The following TCERG1 variants were observed in gnomAD, a reference collection of about 807,000 sequenced individuals.
The protein encoded by TCERG1 is TATA box binding protein (TBP)-associated factor, RNA polymerase II, S, 150kD.
TCERG1 carries 37 observed loss-of-function variants against 144.7 expected under a neutral mutation model. The observed-to-expected ratio is 0.26, with a 90% CI of 0.20 to 0.34. The LOEUF is 0.34. Among genes scored for constraint, TCERG1 ranks in the 10% least tolerant of loss-of-function variants. TCERG1 has a pLI of 1.00. For missense variants in TCERG1, 1,027 were observed against 1,380.7 expected (o/e 0.74, Z 4.06); for synonymous variants, 492 against 458.2 (o/e 1.07, Z -0.94).
At chr5:146,447,540 G>A (rs13181084) in intron 1 of TCERG1, 132 bp downstream of exon 1, 2 of 1,170,828 alleles carry the variant, frequency 1.7e-6, no homozygotes, top group East Asian at 5.6e-5. Context: ...GACCGCATGG[G>A]GTTTAAGAAG....
intron 19 of TCERG1, among the ~76,000 whole-genome samples, chr5:146,506,593 C>T (rs937400932): frequency 6.6e-6 from 1 of 152,164 alleles, no homozygotes; most frequent in African/African-American, 2.4e-5. Context: ...TGCAGTAGGT[C>T]TCAAAACTTA....
rs189741409 is a variant in TCERG1, at chr5:146,493,120, T to G, written c.2282+82T>G. On this transcript the variant is annotated intron_variant, in intron 16 of 22. Coordinates refer to ENST00000679501, the MANE Select transcript of TCERG1 (RefSeq NM_001382548.1). ...TTTTTAAAAATTAAAAAAATAGATA[T>G]TTTTTGACTATTTGGGCACTAAAAG... 3 of 1,066,240 alleles carry G rather than the reference T, an allele frequency of 2.8e-6. No individual in the cohort carries two copies. The African/African-American group carries it at 5.1e-5, about 18-fold the overall frequency. 66.0% of individuals were successfully genotyped at this position (1,066,240 alleles called of 1,614,324 possible). A position where few individuals can be genotyped will look rare whatever the true frequency, so the allele number is the denominator to read the frequency against.
chr5:146,460,424 TG>T (rs1481055567), intron 4 of TCERG1, among the ~76,000 whole-genome samples: 1 of 95,428 alleles, frequency 1.0e-5, no homozygotes, highest in Non-Finnish European at 2.6e-5. Context: ...ACTTAAATAA[TG>T]ATTTTTTTAT....
In TCERG1 at chr5:146,478,602, A is replaced by G. The variant is rs747097848; in HGVS notation, c.1711A>G (p.Ile571Val). 2 of 1,609,504 alleles carry G rather than the reference A, an allele frequency of 1.2e-6. No individual in the cohort carries two copies. Reference protein sequence around the residue: ...DLIGRADVDKIIQEPPHKKGM... With the variant: ...DLIGRADVDKVIQEPPHKKGM... Reference sequence around the variant, plus strand: ...GATTGGCAGGGCAGATGTTGACAAAATTATTCAGGAGCCCCCTCATAAAAA... The same window carrying G: ...GATTGGCAGGGCAGATGTTGACAAAGTTATTCAGGAGCCCCCTCATAAAAA... Residue 571 changes from isoleucine to valine, a missense_variant, in exon 10 of 23, where the codon ATT becomes GTT. Coordinates refer to ENST00000679501, the MANE Select transcript of TCERG1 (RefSeq NM_001382548.1).
At chr5:146,454,351 T>C (rs1368759518) in intron 1 of TCERG1, among the ~76,000 whole-genome samples, 1 of 152,218 alleles carries the variant, frequency 6.6e-6, no homozygotes, top group Non-Finnish European at 1.5e-5. Context: ...TCTGTCCTTC[T>C]TAGATGATAA....
chr5:146,463,964 C>A (rs1763557116), intron 5 of TCERG1, among the ~76,000 whole-genome samples, 171 bp downstream of exon 5: 1 of 152,092 alleles, frequency 6.6e-6, no homozygotes, highest in South Asian at 2.1e-4. Context: ...GGTAAATGTC[C>A]TTTTTTTGTT....
chr5:146,481,314 G>A (rs1411729819), intron 13 of TCERG1, 114 bp downstream of exon 13: 8 of 453,024 alleles, frequency 1.8e-5, no homozygotes, highest in Non-Finnish European at 2.3e-5. Flanking sequence ...TTCTATAAAG[G>A]TTATTTGTTT....
chr5:146,482,635 A>G lies in TCERG1; in HGVS notation c.1981A>G (p.Met661Val), dbSNP rs759944389. ...CATTGACTCAGAGAAAGAAGCTGCC[A>G]TGGAAGCTGAAATTAAAGCTGCCCG... is the stretch of plus-strand genomic sequence containing the variant. Reference protein sequence around the residue: ...KDIDSEKEAAMEAEIKAARER... With the variant: ...KDIDSEKEAAVEAEIKAARER... Residue 661 changes from methionine (M) to valine (V), a missense_variant, in exon 14 of 23, where the codon ATG becomes GTG. By Grantham distance (21) the Met-to-Val change is conservative. This residue lies in a region of TCERG1 where 482 missense variants were observed against 632.6 expected (regional missense o/e 0.76). Transcript: ENST00000679501. 2.5e-6 allele frequency: 4 copies of G among 1,613,238 alleles called. No individual in the cohort carries two copies. In the South Asian group the frequency reaches 3.3e-5, roughly 13 times the overall value.
chr5:146,448,714 G>T (rs1369303924), intron 1 of TCERG1, among the ~76,000 whole-genome samples: 1 of 152,166 alleles, frequency 6.6e-6, no homozygotes, highest in Non-Finnish European at 1.5e-5. Context: ...ATGAAATTTT[G>T]TTTTATTTCA....
chr5:146,467,225 C>T (rs1763874885), intron 5 of TCERG1, among the ~76,000 whole-genome samples: 1 of 152,036 alleles, frequency 6.6e-6, no homozygotes, highest in Non-Finnish European at 1.5e-5. Flanking sequence ...AAATTGTATA[C>T]AAACCCAGGA....
At chr5:146,493,089 G>A (rs778374110) in intron 16 of TCERG1, 51 bp downstream of exon 16, 3 of 1,273,364 alleles carry the variant, frequency 2.4e-6, no homozygotes, top group African/African-American at 1.6e-5. Flanking sequence ...TTTCTCCTAA[G>A]ATCAGTTTTT....
intron 16 of TCERG1, among the ~76,000 whole-genome samples, 189 bp downstream of exon 16, chr5:146,493,227 T>C (rs1766592278): frequency 6.6e-6 from 1 of 152,116 alleles, no homozygotes; most frequent in South Asian, 2.1e-4. Context: ...TCCTAAGTGC[T>C]CTAAGAAGGG....
At chr5:146,485,967 T>C (rs1332216045) in intron 15 of TCERG1, among the ~76,000 whole-genome samples, 2 of 152,176 alleles carry the variant, frequency 1.3e-5, no homozygotes, top group Non-Finnish European at 2.9e-5. Flanking sequence ...AGTGTTGGGA[T>C]TACAGGCGTG....
intron 16 of TCERG1, 72 bp from the exon 17 acceptor site, chr5:146,498,464 G>A (rs1478347013): frequency 2.7e-6 from 4 of 1,467,938 alleles, no homozygotes; most frequent in Admixed American, 2.2e-5. Flanking sequence ...TTGGAAAAAT[G>A]GTATCTTCTG....
At chr5:146,489,839 AG>A (rs1766226252) in intron 15 of TCERG1, among the ~76,000 whole-genome samples, 1 of 152,162 alleles carries the variant, frequency 6.6e-6, no homozygotes, top group South Asian at 2.1e-4. Context: ...CACTTAACAT[AG>A]GGAACATAAA....
intron 1 of TCERG1, among the ~76,000 whole-genome samples, chr5:146,452,041 G>C (rs536876512): frequency 2.3e-3 from 347 of 152,090 alleles, no homozygotes; most frequent in African/African-American, 7.8e-3. Flanking sequence ...GCCCACCTCT[G>C]CCTCCCAAAG....
At chr5:146,457,140 AAAAGTAATT>A (rs765714539) in intron 2 of TCERG1, 34 bp from the exon 3 acceptor site, 11 of 1,585,396 alleles carry the variant, frequency 6.9e-6, no homozygotes, top group South Asian at 3.4e-5. Context: ...AATTTGGAGG[AAAAGTAATT>A]AAAGTGACCA....
rs760344825 is a variant in TCERG1 at position 146,470,625 on chromosome 5, T to G, written c.1400-11T>G. On this transcript the variant is annotated splice_polypyrimidine_tract_variant and intron_variant, in intron 7 of 22. Coordinates refer to ENST00000679501, the MANE Select transcript of TCERG1 (RefSeq NM_001382548.1). ...AACCTTTGAGTGACATTATCTTAAT[T>G]TTTTTCATAGAAAAGTTAGAAGAGA... 1 of 1,588,610 alleles carries G rather than the reference T, an allele frequency of 6.3e-7. No homozygotes were observed. The highest frequency in any genetic ancestry group is 1.2e-5 in the South Asian group (1 of 85,790).
At chr5:146,471,382 G>A in intron 8 of TCERG1, 106 bp from the exon 9 acceptor site, 1 of 947,100 alleles carries the variant, frequency 1.1e-6, no homozygotes, top group Non-Finnish European at 1.6e-6. Flanking sequence ...TATTCTAGCA[G>A]CAGATTTTGT....
Sources: gnomAD v4.1 joint callset for allele counts (sites outside exome capture counted in the v4.1 genomes callset) on GRCh38, gnomAD v4.1.1 for gene constraint, gnomAD v4.1.1 regional missense constraint, MANE v1.5 for transcripts, NCBI Gene and HGNC (gene_info 2026-07-23, HGNC 2026-07-21) for gene names.